KLC2: variants seen among roughly 807,000 people sequenced by gnomAD.
KLC2 encodes the protein KLC 2.
Under a neutral mutation model 75.1 loss-of-function variants are expected in KLC2, and 35 were observed. The ratio of observed to expected loss-of-function variants is 0.47; its 90% CI spans 0.36 to 0.62. The LOEUF is 0.62. Ranked by LOEUF, KLC2 falls within the 20% of genes least tolerant of loss-of-function variation. The pLI is 0.00. For missense variants in KLC2, 611 were observed against 833.2 expected, an observed-to-expected ratio of 0.73 and a Z score of 3.28; for synonymous variants, 314 against 336.7, an observed-to-expected ratio of 0.93 and a Z score of 0.74.
At chr11:66,252,160 T>C in the KLC2 span, among the ~76,000 whole-genome samples, 1 of 152,242 alleles carries the variant, frequency 6.6e-6, no homozygotes, top group East Asian at 1.9e-4. Context: ...TTTCTCATTC[T>C]TTTCCCACAC....
At chr11:66,255,455 C>T (rs1855998353), upstream of KLC2, among the ~76,000 whole-genome samples, 1 of 152,184 alleles carries the variant, frequency 6.6e-6, no homozygotes, top group African/African-American at 2.4e-5. Flanking sequence ...TGACAAAGTG[C>T]TGGGATTACA....
chr11:66,261,558 C>T (rs1329117836), intron 2 of KLC2, 184 bp from the exon 3 acceptor site: 1 of 581,618 alleles, frequency 1.7e-6, no homozygotes, highest in East Asian at 2.8e-5. Flanking sequence ...TTGGGCTTTG[C>T]ATTATGGTGT....
the KLC2 span, among the ~76,000 whole-genome samples, chr11:66,249,903 C>G: frequency 6.6e-6 from 1 of 152,160 alleles, no homozygotes; most frequent in African/African-American, 2.4e-5. Context: ...AACTATAAGC[C>G]AGGGTACCTT....
At chr11:66,248,598 C>T in the KLC2 span, among the ~76,000 whole-genome samples, 1 of 152,190 alleles carries the variant, frequency 6.6e-6, no homozygotes, top group East Asian at 1.9e-4. Context: ...ACCTGGGCGA[C>T]AGAGTGAGAC....
upstream of KLC2, among the ~76,000 whole-genome samples, chr11:66,256,216 C>A (rs1856030174): frequency 6.6e-6 from 1 of 151,808 alleles, no homozygotes; most frequent in South Asian, 2.1e-4. Flanking sequence ...CATATTGAGA[C>A]CCTGTCTCTA....
Position 66,267,503 on chromosome 11 carries a change from G to A in KLC2, c.*547G>A. 1.4e-6 allele frequency: 1 copy of A among 690,924 alleles called. No individual in the cohort carries two copies. The highest frequency in any genetic ancestry group is 1.6e-5 in the South Asian group (1 of 64,238). 42.8% of individuals were successfully genotyped at this position (690,924 alleles called of 1,614,324 possible). ...ATTCTCGGGAGCGGCGCCTCCCAAG[G>A]GGGTCCTGGGACCTTCTCGCGCTCC... On this transcript the variant is annotated 3_prime_UTR_variant, in exon 16 of 16. Transcript: ENST00000394067.
chr11:66,257,114 A>AG (rs1224085005), upstream of KLC2, among the ~76,000 whole-genome samples: 1 of 152,202 alleles, frequency 6.6e-6, no homozygotes, highest in Non-Finnish European at 1.5e-5. Flanking sequence ...CACTGCAGGA[A>AG]GGCACTTCGG....
chr11:66,249,040 T>C, the KLC2 span, among the ~76,000 whole-genome samples: 2 of 152,192 alleles, frequency 1.3e-5, no homozygotes, highest in East Asian at 3.8e-4. Flanking sequence ...TCTGCCTTCT[T>C]AGGATCCTTT....
Position 66,257,802 on chromosome 11 carries a change from CTCGCGGGTGCGGG to C in KLC2, c.-78_-66del, listed in dbSNP as rs1413204589. 6.6e-6 allele frequency: 1 copy of C among 152,664 alleles called. No individual in the cohort carries two copies. The highest frequency in any genetic ancestry group is 1.5e-5 in the Non-Finnish European group (1 of 68,392). 9.5% of individuals were successfully genotyped at this position (152,664 alleles called of 1,614,324 possible). On this transcript the variant is annotated 5_prime_UTR_variant, in exon 1 of 16. The change abolishes the stop of an existing upstream ORF in the 5' untranslated region. Coordinates refer to ENST00000394067, the MANE Select transcript of KLC2 (RefSeq NM_001318734.2). ...GGCGGGATGGAGGCGGCGGGACCGG[CTCGCGGGTGCGGG>C]TCCGGGTGAAGCGGGAGGCAGCCAG...
chr11:66,248,145 AG>A, the KLC2 span, among the ~76,000 whole-genome samples: 1 of 152,204 alleles, frequency 6.6e-6, no homozygotes, highest in East Asian at 1.9e-4. Context: ...CGCCAACTCC[AG>A]ACTGGTTTTA....
chr11:66,265,493 G>A (rs1856758947), intron 11 of KLC2, 162 bp from the exon 12 acceptor site: 3 of 708,344 alleles, frequency 4.2e-6, no homozygotes, highest in Non-Finnish European at 7.1e-6. Context: ...ATTTCCCCAG[G>A]ACAGAAGAGG....
intron 2 of KLC2, 101 bp downstream of exon 2, chr11:66,258,923 T>G: frequency 1.2e-6 from 1 of 810,410 alleles, no homozygotes; most frequent in Non-Finnish European, 1.9e-6. Context: ...GGGAACCGTC[T>G]GTTTCCTGGA....
In KLC2 at chr11:66,267,107, T is replaced by A. The variant is rs1856889259; in HGVS notation, c.*151T>A. 6.5e-7 allele frequency: 1 copy of A among 1,530,274 alleles called. No individual in the cohort carries two copies. The highest frequency in any genetic ancestry group is 1.4e-5 in the African/African-American group (1 of 72,628). The allele number at this position is 1,530,274 out of a possible 1,614,324, so 94.8% of individuals were successfully genotyped here. A position where few individuals can be genotyped will look rare whatever the true frequency, so the allele number is the denominator to read the frequency against. On this transcript the variant is annotated 3_prime_UTR_variant, in exon 16 of 16. Transcript: ENST00000394067. ...CAGGGTAACCTTCTCCCTTGTCATC[T>A]CAGCCTGAGCCCTGGAGGCTGGGCC...
At chr11:66,260,609 T>C (rs1405510328) in intron 2 of KLC2, among the ~76,000 whole-genome samples, 2 of 152,110 alleles carry the variant, frequency 1.3e-5, no homozygotes, top group East Asian at 3.8e-4. Context: ...ATTTTTCTTT[T>C]TTTTTTTGAG....
At chr11:66,262,049 C>A in intron 3 of KLC2, 74 bp from the exon 4 acceptor site, 1 of 1,581,784 alleles carries the variant, frequency 6.3e-7, no homozygotes, top group Non-Finnish European at 8.7e-7. Context: ...GCAGATTCGG[C>A]TCCACCCCAG....
the KLC2 span, among the ~76,000 whole-genome samples, chr11:66,245,670 C>T: frequency 9.2e-5 from 14 of 151,530 alleles, no homozygotes; most frequent in African/African-American, 3.4e-4. Flanking sequence ...GAGCCGAGAT[C>T]GCGCCACTGT....
chr11:66,263,098 C>G (rs1856554449), intron 5 of KLC2, 62 bp downstream of exon 5: 2 of 1,271,568 alleles, frequency 1.6e-6, no homozygotes, highest in African/African-American at 1.5e-5. Flanking sequence ...ATCACTAACC[C>G]TTGGTGCCTG....
Position 66,263,859 on chromosome 11 carries a change from G to A in KLC2, c.849G>A (p.Ala283=), listed in dbSNP as rs200856069. 2.5e-5 allele frequency: 40 copies of A among 1,614,086 alleles called. No homozygotes were observed. The East Asian group carries it at 7.1e-4, about 29-fold the overall frequency. ...CGTTCTCCCACCTCCAGGTGGCTGC[G>A]ACACTAAACAACCTGGCAGTCCTGT... ...TLGKDHPAVA[A]TLNNLAVLYG... The change falls in exon 7 of 16, where the codon GCG becomes GCA. Residue 283 remains alanine (A), a synonymous_variant. Coordinates refer to ENST00000394067, the MANE Select transcript of KLC2 (RefSeq NM_001318734.2).
rs1856612940 is a variant in KLC2 at position 66,263,866 on chromosome 11, A to C, written c.856A>C (p.Asn286His). The change falls in exon 7 of 16, where the codon AAC (asparagine) becomes CAC (histidine). Residue 286 changes from asparagine to histidine, a missense_variant. Coordinates refer to ENST00000394067, the MANE Select transcript of KLC2 (RefSeq NM_001318734.2). ...KDHPAVAATL[N>H]NLAVLYGKRG... The stretch of plus-strand genomic sequence containing the variant: ...CCACCTCCAGGTGGCTGCGACACTA[A>C]ACAACCTGGCAGTCCTGTATGGCAA... 2 of 1,614,182 alleles carry C rather than the reference A, an allele frequency of 1.2e-6. No homozygotes were observed. The highest frequency in any genetic ancestry group is 1.7e-6 in the Non-Finnish European group (2 of 1,180,018).
Sources: gnomAD v4.1 joint callset for allele counts (sites outside exome capture counted in the v4.1 genomes callset) on GRCh38, gnomAD v4.1.1 for gene constraint, MANE v1.5 for transcripts, NCBI Gene and HGNC (gene_info 2026-07-23, HGNC 2026-07-21) for gene names.